PCDHA2: variants seen among roughly 807,000 people sequenced by gnomAD.
PCDHA2 encodes the protein protocadherin alpha 2.
Under a neutral mutation model 66.0 loss-of-function variants are expected in PCDHA2, and 58 were observed. That is an observed-to-expected ratio of 0.88 (90% CI 0.71 to 1.09). The LOEUF is 1.09. Among genes scored for constraint, PCDHA2 ranks in the 50% least tolerant of loss-of-function variants. The pLI is 0.00. For missense variants in PCDHA2, 1,267 were observed against 1,242.3 expected, an observed-to-expected ratio of 1.02 and a Z score of -0.30; for synonymous variants, 634 against 554.0, an observed-to-expected ratio of 1.14 and a Z score of -2.03.
In PCDHA2 at chr5:140,898,801, A is replaced by T. The variant is rs1275933236; in HGVS notation, c.2389-80148A>T. The stretch of plus-strand genomic sequence containing the variant: ...TGGGCAGTATGGCCATTTTCACGAT[A>T]CTGATTCTTCCTACCCATGAGCATG... On this transcript the variant is annotated intron_variant, in intron 1 of 3. Coordinates refer to ENST00000526136, the MANE Select transcript of PCDHA2 (RefSeq NM_018905.3). Among the ~76,000 whole-genome samples the T allele has an allele frequency of 1.3e-5, 2 of 152,200 alleles. 1 individual carries two copies. The highest frequency in any genetic ancestry group is 3.8e-4 in the East Asian group (2 of 5,198).
intron 1 of PCDHA2, among the ~76,000 whole-genome samples, chr5:140,934,797 T>G (rs1045887352): frequency 2.4e-4 from 36 of 152,236 alleles, no homozygotes; most frequent in Admixed American, 1.4e-3. Context: ...CAATTATCTT[T>G]TTAATGATCA....
chr5:140,932,021 GT>G (rs1387709791), intron 1 of PCDHA2, among the ~76,000 whole-genome samples: 11 of 151,964 alleles, frequency 7.2e-5, no homozygotes, highest in African/African-American at 2.6e-4. Flanking sequence ...TTTACGGTAA[GT>G]TTACAGTATA....
chr5:140,928,148 A>G (rs1228039818), intron 1 of PCDHA2: 1 of 1,614,054 alleles, frequency 6.2e-7, no homozygotes, highest in African/African-American at 1.3e-5. Context: ...ACGGCCTCAG[A>G]TAGTGGCTCA....
At chr5:140,992,019 G>C (rs1326705755) in intron 3 of PCDHA2, among the ~76,000 whole-genome samples, 2 of 50,642 alleles carry the variant, frequency 3.9e-5, no homozygotes, top group African/African-American at 6.0e-5. Context: ...AGGTGGCTCT[G>C]TGTGTGTGTG....
At chr5:140,904,754 C>G (rs2071365435) in intron 1 of PCDHA2, among the ~76,000 whole-genome samples, 1 of 152,068 alleles carries the variant, frequency 6.6e-6, no homozygotes, top group South Asian at 2.1e-4. Context: ...ACCATTTTTG[C>G]AAGAATAAGA....
rs2150427952 is a variant in PCDHA2 at position 140,848,985 on chromosome 5, G to A, written c.2388+51633G>A. On this transcript the variant is annotated intron_variant, in intron 1 of 3. Transcript: ENST00000526136. ...GGGCGCGTCCGATGCAGATATCGGG[G>A]AGAACGCCCTGCTCACTTACAGACT... is the stretch of plus-strand genomic sequence containing the variant. 9 of 1,598,558 alleles carry A rather than the reference G, an allele frequency of 5.6e-6. 1 individual carries two copies. The highest frequency in any genetic ancestry group is 6.0e-6 in the Non-Finnish European group (7 of 1,170,226).
intron 1 of PCDHA2, chr5:140,842,836 G>C: frequency 6.3e-7 from 1 of 1,593,818 alleles, no homozygotes; most frequent in Non-Finnish European, 8.6e-7. Context: ...GCTCGCTGTC[G>C]AGCTACATTT....
rs2150134269 is a variant in PCDHA2, at chr5:140,824,393, A to T, written c.2388+27041A>T. On this transcript the variant is annotated intron_variant, in intron 1 of 3. Transcript: ENST00000526136. ...AATTTTGCATCTCTAAAAATGTAGG[A>T]TAATAATTGTAAGACATAGTTTGGA... 1.3e-5 allele frequency: 7 copies of T among 552,594 alleles called. No homozygotes were observed. The East Asian group carries it at 2.1e-4, about 17-fold the overall frequency. The allele number at this position is 552,594 out of a possible 1,614,324, so 34.2% of individuals were successfully genotyped here. A position where few individuals can be genotyped will look rare whatever the true frequency, so the allele number is the denominator to read the frequency against.
chr5:140,853,885 T>C (rs1456390498), intron 1 of PCDHA2: 1 of 979,240 alleles, frequency 1.0e-6, no homozygotes, highest in Non-Finnish European at 1.2e-6. Context: ...TTCTGTAATT[T>C]AAAAAGATGT....
intron 1 of PCDHA2, chr5:140,875,784 C>T (rs782115108): frequency 3.7e-5 from 60 of 1,614,200 alleles, no homozygotes; most frequent in Non-Finnish European, 5.0e-5. Flanking sequence ...AGTGCAGTAT[C>T]CACCTGGAGG....
rs782610584 is a variant in PCDHA2 at position 140,883,582 on chromosome 5, G to C, written c.2388+86230G>C. 38 of 1,613,902 alleles carry C rather than the reference G, an allele frequency of 2.4e-5. No homozygotes were observed. The African/African-American group carries it at 3.7e-4, about 16-fold the overall frequency. ...GGGGCTCGCCTTCGCTGTGGGCCAC[G>C]GCCAGCGTGTCGGTGGGGGTGGCCG... is the stretch of plus-strand genomic sequence containing the variant. On this transcript the variant is annotated intron_variant, in intron 1 of 3. Transcript: ENST00000526136.
At chr5:140,848,787 C>T in intron 1 of PCDHA2, 2 of 1,592,990 alleles carry the variant, frequency 1.3e-6, no homozygotes, top group Non-Finnish European at 1.7e-6. Context: ...GCTGTGCGGG[C>T]GGAGCGCGGA....
At chr5:140,838,499 T>G (rs1411144727) in intron 1 of PCDHA2, among the ~76,000 whole-genome samples, 5 of 151,960 alleles carry the variant, frequency 3.3e-5, no homozygotes, top group Non-Finnish European at 5.9e-5. Context: ...TGCTTTCTTA[T>G]TTTTAAAAGT....
chr5:141,006,448 C>T lies in PCDHA2; in HGVS notation c.2537-3179C>T, dbSNP rs968765348. ...CAGGATGGTCTCAATCTCCTGACCT[C>T]GAGATCTGCCTGTCTCGGCCTCCCA... On this transcript the variant is annotated intron_variant, in intron 3 of 3. Coordinates refer to ENST00000526136, the MANE Select transcript of PCDHA2 (RefSeq NM_018905.3). Among the ~76,000 whole-genome samples, 4 of 152,122 alleles carry T rather than the reference C, an allele frequency of 2.6e-5. No homozygotes were observed. In the East Asian group the frequency reaches 7.7e-4, roughly 29 times the overall value.
intron 1 of PCDHA2, chr5:140,803,096 G>A (rs781996568): frequency 1.2e-6 from 2 of 1,613,762 alleles, no homozygotes; most frequent in African/African-American, 1.3e-5. Flanking sequence ...AGATCAGCAC[G>A]ACCCGTGCCC....
chr5:140,923,333 T>C lies in PCDHA2; in HGVS notation c.2389-55616T>C, dbSNP rs180734722. Among the ~76,000 whole-genome samples the C allele has an allele frequency of 8.0e-3, 1,225 of 152,228 alleles. 6 individuals are homozygous for C. The highest frequency in any genetic ancestry group is 0.019 in the African/African-American group (792 of 41,544). On this transcript the variant is annotated intron_variant, in intron 1 of 3. Coordinates refer to ENST00000526136, the MANE Select transcript of PCDHA2 (RefSeq NM_018905.3). ...CTTGGCCTAGAAGTTCAAGGACAGT[T>C]TGGGCAACATAGTGGGACCCTATCT...
intron 1 of PCDHA2, chr5:140,877,890 T>C (rs1554170211): frequency 6.9e-7 from 1 of 1,458,078 alleles, no homozygotes; most frequent in Non-Finnish European, 9.0e-7. Flanking sequence ...AGAACTTCCG[T>C]TTAGGTTATA....
chr5:140,823,029 G>A lies in PCDHA2; in HGVS notation c.2388+25677G>A, dbSNP rs2150121512. 5.3e-5 allele frequency: 85 copies of A among 1,614,220 alleles called. No homozygotes were observed. In the Middle Eastern group the frequency reaches 8.3e-4, roughly 16 times the overall value. On this transcript the variant is annotated intron_variant, in intron 1 of 3. Coordinates refer to ENST00000526136, the MANE Select transcript of PCDHA2 (RefSeq NM_018905.3). ...GCGCCCTGGACCGCGAGAGCGTGTC[G>A]GTCTATGAGCTGGTGGTGACCGCGC...
intron 1 of PCDHA2, among the ~76,000 whole-genome samples, chr5:140,912,823 G>C (rs2076078264): frequency 6.6e-6 from 1 of 152,090 alleles, no homozygotes; most frequent in Non-Finnish European, 1.5e-5. Context: ...AAGGGATTTT[G>C]AATTTTATTA....
Sources: gnomAD v4.1 joint callset for allele counts (sites outside exome capture counted in the v4.1 genomes callset) on GRCh38, gnomAD v4.1.1 for gene constraint, MANE v1.5 for transcripts, NCBI Gene and HGNC (gene_info 2026-07-23, HGNC 2026-07-21) for gene names.